The following DIP2B variants were observed in gnomAD, a reference collection of about 807,000 sequenced individuals.
DIP2B encodes disco-interacting protein 2 homolog B.
DIP2B carries 76 observed loss-of-function variants against 198.0 expected under a neutral mutation model. That is an observed-to-expected ratio of 0.38 (90% CI 0.32 to 0.46). The LOEUF (loss-of-function observed/expected upper bound fraction) is 0.46, where lower values mean the gene tolerates loss of function less well. Ranked by LOEUF, DIP2B falls within the 20% of genes least tolerant of loss-of-function variation. The pLI, the probability that DIP2B is intolerant of heterozygous loss-of-function variation, is 0.99. For synonymous variants in DIP2B, 701 were observed against 739.1 expected (o/e 0.95, Z 0.84); for missense variants, 1,559 against 1,978.4 (o/e 0.79, Z 4.02).
chr12:50,631,967 T>C (rs546639433), intron 2 of DIP2B, among the ~76,000 whole-genome samples: 41 of 152,044 alleles, frequency 2.7e-4, no homozygotes, highest in Non-Finnish European at 5.1e-4. Flanking sequence ...TTTGTAAATT[T>C]TGAAGGAAGC....
At chr12:50,525,645 T>C (rs1189932082) in intron 1 of DIP2B, among the ~76,000 whole-genome samples, 1 of 151,794 alleles carries the variant, frequency 6.6e-6, no homozygotes, top group Admixed American at 6.6e-5. Context: ...CCCTAGTAGC[T>C]GAGACTATAG....
chr12:50,716,969 T>TTTTTTTTTTTTTTTTTTG (rs1939735072), intron 23 of DIP2B, among the ~76,000 whole-genome samples: 1 of 133,566 alleles, frequency 7.5e-6, no homozygotes, highest in Non-Finnish European at 1.6e-5. Context: ...TTTTTTTTTT[T>TTTTTTTTTTTTTTTTTTG]TTTTTTTTTT....
At chr12:50,737,386 C>G (rs1329198711) in intron 35 of DIP2B, among the ~76,000 whole-genome samples, 1 of 152,052 alleles carries the variant, frequency 6.6e-6, no homozygotes, top group Non-Finnish European at 1.5e-5. Context: ...CATATTCCCA[C>G]CTATTAAGGT....
At chr12:50,657,222 A>AC (rs774266332) in intron 3 of DIP2B, 1 of 98,250 alleles carries the variant, frequency 1.0e-5, no homozygotes, top group African/African-American at 3.6e-5. Flanking sequence ...ATCTCTATTT[A>AC]CAAAAAAAAA....
At chr12:50,510,024 C>G (rs1035365873) in intron 1 of DIP2B, among the ~76,000 whole-genome samples, 5 of 152,292 alleles carry the variant, frequency 3.3e-5, no homozygotes, top group Admixed American at 6.5e-5. Context: ...GCCTGTGACA[C>G]ATTCCTTTGA....
intron 10 of DIP2B, among the ~76,000 whole-genome samples, chr12:50,683,963 A>G (rs991438319): frequency 2.6e-5 from 4 of 152,008 alleles, no homozygotes; most frequent in East Asian, 1.9e-4. Context: ...AGTAAAAAAA[A>G]CTAGCCATGC....
chr12:50,536,574 G>GTTT (rs56861489), intron 1 of DIP2B, among the ~76,000 whole-genome samples: 1 of 147,908 alleles, frequency 6.8e-6, no homozygotes, highest in Non-Finnish European at 1.5e-5. Flanking sequence ...ATTGTGTTTT[G>GTTT]TTTTTTTTTT....
intron 1 of DIP2B, among the ~76,000 whole-genome samples, chr12:50,625,352 G>C (rs767222284): frequency 7.9e-5 from 12 of 151,976 alleles, no homozygotes; most frequent in Non-Finnish European, 1.5e-4. Context: ...TATTGCATTT[G>C]TTGTATATGC....
chr12:50,630,861 G>A (rs1938037876), intron 2 of DIP2B, among the ~76,000 whole-genome samples: 3 of 151,574 alleles, frequency 2.0e-5, no homozygotes, highest in African/African-American at 4.8e-5. Flanking sequence ...AGTAGAGACA[G>A]GATTTCTCCA....
intron 1 of DIP2B, 144 bp from the exon 2 acceptor site, chr12:50,625,832 T>C: frequency 1.3e-6 from 1 of 785,114 alleles, no homozygotes; most frequent in Non-Finnish European, 2.0e-6. Context: ...GCAAAATCCT[T>C]GGCAAAGAAC....
intron 4 of DIP2B, among the ~76,000 whole-genome samples, chr12:50,664,807 A>T (rs564352881): frequency 7.0e-6 from 1 of 143,568 alleles, no homozygotes; most frequent in South Asian, 2.3e-4. Context: ...CCAGAAGACA[A>T]GGAGAATTTC....
intron 1 of DIP2B, among the ~76,000 whole-genome samples, chr12:50,549,697 TAAAAAAAA>T (rs56326368): frequency 2.0e-4 from 13 of 64,790 alleles, no homozygotes; most frequent in South Asian, 8.6e-4. Flanking sequence ...GACTCCATCT[TAAAAAAAA>T]AAAAAAAAAA....
At chr12:50,729,721 CTTT>C (rs971061380) in intron 30 of DIP2B, among the ~76,000 whole-genome samples, 2 of 144,910 alleles carry the variant, frequency 1.4e-5, no homozygotes, top group African/African-American at 2.5e-5. Flanking sequence ...GTCCTTTTTT[CTTT>C]TTTTTCTTTT....
Position 50,727,820 on chromosome 12 carries a change from G to C in DIP2B, c.3510+8G>C, listed in dbSNP as rs1260507184. 3 of 1,610,462 alleles carry C rather than the reference G, an allele frequency of 1.9e-6. No individual in the cohort carries two copies. The South Asian group carries it at 3.3e-5, about 18-fold the overall frequency. Reference sequence around the variant, plus strand: ...ATGCTTACAGGAGTGAAGGTAAGGTGCATGCTGGAAAAATGCCACATCTGC... The same window carrying C: ...ATGCTTACAGGAGTGAAGGTAAGGTCCATGCTGGAAAAATGCCACATCTGC... On this transcript the variant is annotated splice_region_variant and intron_variant, in intron 29 of 37. Coordinates refer to ENST00000301180, the MANE Select transcript of DIP2B (RefSeq NM_173602.3).
chr12:50,618,827 C>T (rs1295539749), intron 1 of DIP2B, among the ~76,000 whole-genome samples: 1 of 152,084 alleles, frequency 6.6e-6, no homozygotes, highest in Non-Finnish European at 1.5e-5. Flanking sequence ...ATGTTCTTAT[C>T]GAGTATTATA....
At chr12:50,578,338 G>C (rs1041101876) in intron 1 of DIP2B, among the ~76,000 whole-genome samples, 1 of 143,936 alleles carries the variant, frequency 6.9e-6, no homozygotes, top group Non-Finnish European at 1.5e-5. Context: ...TGTGTTACCC[G>C]TACATCTTTT....
chr12:50,678,768 C>G lies in DIP2B; in HGVS notation c.1006C>G (p.Pro336Ala), dbSNP rs772531596. The change falls in exon 8 of 38, where the codon CCT becomes GCT. Residue 336 changes from proline to alanine, a missense_variant. Transcript: ENST00000301180. ...GCCTTTAGGAGTCATCTGTAACTGG[C>G]CTCCTGCTCTTGAATCTGCCCTGCA... ...GEPLGVICNW[P>A]PALESALQRW... The G allele has an allele frequency of 6.2e-7, 1 of 1,614,212 alleles. No individual in the cohort carries two copies. Among genetic ancestry groups the G allele is most frequent in the South Asian group, 1.1e-5 (1 of 91,088 alleles).
At chr12:50,581,839 G>C (rs572577471) in intron 1 of DIP2B, among the ~76,000 whole-genome samples, 27 of 152,198 alleles carry the variant, frequency 1.8e-4, no homozygotes, top group African/African-American at 6.5e-4. Context: ...AGTTTCATGA[G>C]GTATACAGTT....
intron 3 of DIP2B, among the ~76,000 whole-genome samples, chr12:50,647,596 A>G (rs1489163229): frequency 6.6e-6 from 1 of 152,190 alleles, no homozygotes; most frequent in African/African-American, 2.4e-5. Context: ...GAAAAATGGC[A>G]TGACTGCTTG....
Sources: gnomAD v4.1 joint callset for allele counts (sites outside exome capture counted in the v4.1 genomes callset) on GRCh38, gnomAD v4.1.1 for gene constraint, MANE v1.5 for transcripts, NCBI Gene and HGNC (gene_info 2026-07-23, HGNC 2026-07-21) for gene names.